EEA1: variants seen among roughly 807,000 people sequenced by gnomAD.
EEA1 encodes early endosome antigen 1.
In EEA1, 111 loss-of-function variants were observed where a neutral mutation model predicts 209.2. The ratio of observed to expected loss-of-function variants is 0.53; its 90% CI spans 0.45 to 0.62. The LOEUF (loss-of-function observed/expected upper bound fraction) is 0.62. EEA1 is among the 20% of genes least tolerant of loss of function. The pLI is 0.00. For missense variants in EEA1, 1,343 were observed against 1,530.8 expected (o/e 0.88, Z 2.05); for synonymous variants, 536 against 540.6 (o/e 0.99, Z 0.12).
At chr12:92,825,616 T>C (rs1438038453) in intron 13 of EEA1, among the ~76,000 whole-genome samples, 3 of 152,090 alleles carry the variant, frequency 2.0e-5, no homozygotes, top group Admixed American at 2.0e-4. Context: ...TTATATTTTC[T>C]ACACCTACAA....
chr12:92,900,253 TCTA>T (rs1880093355), intron 1 of EEA1, among the ~76,000 whole-genome samples: 3 of 152,174 alleles, frequency 2.0e-5, no homozygotes, highest in Non-Finnish European at 4.4e-5. Flanking sequence ...CCTCGACTTA[TCTA>T]AAGGCATTCA....
intron 23 of EEA1, 62 bp from the exon 24 acceptor site, chr12:92,780,473 TAATAA>T (rs1263024250): frequency 8.3e-7 from 1 of 1,202,454 alleles, no homozygotes; most frequent in East Asian, 2.7e-5. Context: ...AAAATGGGTG[TAATAA>T]AAATGACTGC....
chr12:92,797,108 G>C (rs765156935), intron 21 of EEA1, among the ~76,000 whole-genome samples: 1 of 152,086 alleles, frequency 6.6e-6, no homozygotes, highest in Non-Finnish European at 1.5e-5. Flanking sequence ...GCTTTTTTGA[G>C]ATGGAGTCTC....
chr12:92,798,836 A>G, intron 21 of EEA1, 56 bp downstream of exon 21: 1 of 1,357,204 alleles, frequency 7.4e-7, no homozygotes, highest in South Asian at 1.6e-5. Context: ...TCATCATACT[A>G]TTTTCTTAAT....
chr12:92,852,098 T>C, intron 8 of EEA1, 77 bp downstream of exon 8: 3 of 1,171,702 alleles, frequency 2.6e-6, no homozygotes, highest in Non-Finnish European at 3.4e-6. Context: ...TTTTAAACAT[T>C]TTCCTTCAGG....
chr12:92,776,026 A>G lies in EEA1; in HGVS notation c.4221T>C (p.Asn1407=), dbSNP rs531771662. ...TGATAACCCATTATCCTTGCAAGTC[A>G]TTGAAACATGCATCACAGACACGAA... is the stretch of plus-strand genomic sequence containing the variant. ...KPVRVCDACF[N]DLQG Residue 1407 remains asparagine (N), a synonymous_variant, in exon 29 of 29, where the codon AAT becomes AAC. Transcript: ENST00000322349. 2.5e-6 allele frequency: 4 copies of G among 1,611,062 alleles called. No homozygotes were observed. The highest frequency in any genetic ancestry group is 2.2e-5 in the South Asian group (2 of 90,772).
At position 92,811,502 on chromosome 12, in the gene EEA1, C is replaced by T. The variant is rs192833542; in HGVS notation, c.2044-68G>A. On this transcript the variant is annotated intron_variant, in intron 16 of 28. Coordinates refer to ENST00000322349, the MANE Select transcript of EEA1 (RefSeq NM_003566.4). ...TATATTGTAGTGGCCAAATGTTCAA[C>T]GTAAAATTGAAAACTCTAATTTTAT... The T allele has an allele frequency of 2.4e-5, 26 of 1,071,876 alleles. No homozygotes were observed. The Admixed American group carries it at 3.1e-4, about 13-fold the overall frequency. The allele number at this position is 1,071,876 out of a possible 1,614,324, so 66.4% of individuals were successfully genotyped here.
rs753461435 is a variant in EEA1 at position 92,778,046 on chromosome 12, C to G, written c.3788G>C (p.Arg1263Thr). 5 of 1,613,546 alleles carry G rather than the reference C, an allele frequency of 3.1e-6. No individual in the cohort carries two copies. In the South Asian group the frequency reaches 5.5e-5, roughly 18 times the overall value. The stretch of plus-strand genomic sequence containing the variant: ...CGTTTGTTTCTCAAGCTCACTAACT[C>G]TCCGTTGACTAGATTGCCACTCCTT... The part of the protein sequence containing the change: ...VKKEWQSSQR[R>T]VSELEKQTDD... Residue 1263 changes from arginine (R) to threonine (T), a missense_variant, in exon 26 of 29, where the codon AGA (arginine) becomes ACA (threonine). Arg to Thr is a moderately conservative substitution (Grantham distance 71, BLOSUM62 -1). This residue lies in a region of EEA1 where 1,307 missense variants were observed against 1,465.5 expected (regional missense o/e 0.89). Coordinates refer to ENST00000322349, the MANE Select transcript of EEA1 (RefSeq NM_003566.4).
At chr12:92,905,962 G>C (rs1289302288) in intron 1 of EEA1, among the ~76,000 whole-genome samples, 1 of 152,098 alleles carries the variant, frequency 6.6e-6, no homozygotes, top group South Asian at 2.1e-4. Context: ...CTGAAGTGCA[G>C]TGGCACAATC....
At position 92,788,008 on chromosome 12, in the gene EEA1, T is replaced by C; in HGVS notation, c.3009A>G (p.Ala1003=). The change falls in exon 22 of 29, where the codon GCA becomes GCG. Residue 1003 remains alanine (A), a synonymous_variant. Transcript: ENST00000322349. ...CTTTCTCTGCTGCAAGTTCCTGGGC[T>C]GCCTGTGTTAACTGCTGCTGTAGTT... is the stretch of plus-strand genomic sequence containing the variant. The part of the protein sequence containing the change: ...ENKLQQQLTQ[A]AQELAAEKEK... The C allele has an allele frequency of 6.2e-7, 1 of 1,609,572 alleles. No individual in the cohort carries two copies. Among genetic ancestry groups the C allele is most frequent in the Non-Finnish European group, 8.5e-7 (1 of 1,177,976 alleles).
intron 21 of EEA1, among the ~76,000 whole-genome samples, chr12:92,798,634 A>C (rs1213970798): frequency 6.6e-6 from 1 of 152,156 alleles, no homozygotes; most frequent in Non-Finnish European, 1.5e-5. Context: ...TATTTTTAAT[A>C]AGATAGTTTC....
chr12:92,859,898 C>T (rs1055326220), intron 3 of EEA1, among the ~76,000 whole-genome samples: 2 of 152,152 alleles, frequency 1.3e-5, no homozygotes, highest in African/African-American at 4.8e-5. Context: ...ATTATGAGCT[C>T]TTTGTCAGGG....
chr12:92,806,314 C>T (rs2136670653), intron 18 of EEA1, among the ~76,000 whole-genome samples: 1 of 152,156 alleles, frequency 6.6e-6, no homozygotes, highest in East Asian at 1.9e-4. Context: ...AAAGGAGGAA[C>T]ACTACTACAG....
chr12:92,878,431 T>C (rs1435598407), intron 2 of EEA1, among the ~76,000 whole-genome samples: 3 of 152,148 alleles, frequency 2.0e-5, no homozygotes, highest in African/African-American at 7.2e-5. Context: ...ATATCTGAGA[T>C]TTTCTACAAT....
At chr12:92,844,534 A>G (rs1877311084) in intron 9 of EEA1, among the ~76,000 whole-genome samples, 1 of 152,148 alleles carries the variant, frequency 6.6e-6, no homozygotes, top group Non-Finnish European at 1.5e-5. Context: ...CTCAAGTTAA[A>G]GGCCTACCCT....
intron 9 of EEA1, among the ~76,000 whole-genome samples, chr12:92,842,883 T>C (rs1433198394): frequency 6.6e-6 from 1 of 152,242 alleles, no homozygotes; most frequent in Non-Finnish European, 1.5e-5. Flanking sequence ...TCTTAAACTC[T>C]ATACTTCAAT....
chr12:92,921,787 G>C (rs953326018), intron 1 of EEA1, among the ~76,000 whole-genome samples: 5 of 124,264 alleles, frequency 4.0e-5, no homozygotes, highest in Non-Finnish European at 6.5e-5. Context: ...AGAATCGCTT[G>C]AATCCAGGAG....
In EEA1 at chr12:92,852,293, A is replaced by C; in HGVS notation, c.524T>G (p.Ile175Arg). ...AAQLATEIAD[I>R]KSKYDEERSL... The stretch of plus-strand genomic sequence containing the variant: ...CCTTTCTTCATCATACTTTGACTTT[A>C]TATCTAATTAAAGATAGTTATATAA... Residue 175 changes from isoleucine to arginine, a missense_variant, in exon 8 of 29, where the codon ATA becomes AGA. Coordinates refer to ENST00000322349, the MANE Select transcript of EEA1 (RefSeq NM_003566.4). 1 of 1,555,888 alleles carries C rather than the reference A, an allele frequency of 6.4e-7. No homozygotes were observed. Among genetic ancestry groups the C allele is most frequent in the Non-Finnish European group, 8.6e-7 (1 of 1,156,248 alleles).
intron 15 of EEA1, 137 bp downstream of exon 15, chr12:92,816,063 C>G (rs989027335): frequency 1.4e-6 from 1 of 705,044 alleles, no homozygotes; most frequent in Non-Finnish European, 2.3e-6. Context: ...AACAAATTAT[C>G]TAGATATAGC....
Sources: allele counts gnomAD v4.1 joint callset (sites outside exome capture counted in the v4.1 genomes callset), GRCh38; gene constraint gnomAD v4.1.1; regional missense constraint gnomAD v4.1.1; transcripts MANE v1.5; gene names NCBI Gene and HGNC (gene_info 2026-07-23, HGNC 2026-07-21).